Variants in RPA1 observed in about 807,000 individuals in gnomAD.
RPA1 encodes the protein replication protein A 70 kDa DNA-binding subunit.
A neutral mutation model predicts 83.0 loss-of-function variants in RPA1; 49 were observed. The observed-to-expected ratio is 0.59, with a 90% CI of 0.47 to 0.75. The LOEUF (loss-of-function observed/expected upper bound fraction) is 0.75. RPA1 is among the 30% of genes least tolerant of loss of function. The pLI is 0.00. For missense variants in RPA1, 693 were observed against 776.1 expected (o/e 0.89, Z 1.27); for synonymous variants, 279 against 281.8 (o/e 0.99, Z 0.10).
chr17:1,893,815 G>T (rs1251058435), intron 15 of RPA1, among the ~76,000 whole-genome samples: 2 of 151,880 alleles, frequency 1.3e-5, no homozygotes, highest in Non-Finnish European at 2.9e-5. Flanking sequence ...TAAATACAGA[G>T]GCTGAAATCA....
At chr17:1,834,233 A>G (rs977425348) in intron 1 of RPA1, among the ~76,000 whole-genome samples, 6 of 152,080 alleles carry the variant, frequency 3.9e-5, no homozygotes, top group African/African-American at 1.2e-4. Flanking sequence ...AAGTTTTTTT[A>G]TTTTTTAGAG....
chr17:1,881,012 T>G (rs1913774500), intron 12 of RPA1, among the ~76,000 whole-genome samples: 2 of 152,216 alleles, frequency 1.3e-5, no homozygotes, highest in Admixed American at 6.5e-5. Context: ...CTTTCCAGGG[T>G]TTAGGCTCTG....
chr17:1,859,778 G>A (rs1203421221), intron 5 of RPA1, among the ~76,000 whole-genome samples: 2 of 152,000 alleles, frequency 1.3e-5, no homozygotes, highest in African/African-American at 4.8e-5. Flanking sequence ...CTACAGGCAT[G>A]TGCCACCACG....
chr17:1,864,875 G>C (rs1913121462), intron 5 of RPA1, among the ~76,000 whole-genome samples: 1 of 152,230 alleles, frequency 6.6e-6, no homozygotes, highest in African/African-American at 2.4e-5. Context: ...ACTCCAGCCT[G>C]GGCGACAGAG....
At chr17:1,889,926 G>C (rs1047914002) in intron 14 of RPA1, among the ~76,000 whole-genome samples, 2 of 151,068 alleles carry the variant, frequency 1.3e-5, no homozygotes, top group African/African-American at 4.9e-5. Context: ...CTTGAACCCG[G>C]GAGGCAGAGG....
intron 1 of RPA1, among the ~76,000 whole-genome samples, chr17:1,831,046 A>G (rs1911548201): frequency 6.6e-6 from 1 of 152,022 alleles, no homozygotes; most frequent in Non-Finnish European, 1.5e-5. Flanking sequence ...AATTACAGGC[A>G]TGAACCACCG....
chr17:1,873,992 C>CAAAAAAAAAAAAAA (rs71150832), intron 6 of RPA1, among the ~76,000 whole-genome samples: 5 of 45,420 alleles, frequency 1.1e-4, no homozygotes, highest in African/African-American at 8.0e-4. Flanking sequence ...GACTCTGTCT[C>CAAAAAAAAAAAAAA]AAAAAAAAAA....
rs905509621 is a variant in RPA1, at chr17:1,897,967, T to G, written c.*792T>G. ...CTACCTGTACACATTCCTGCATTCA[T>G]GTATTTTGTTTTTTTTGACTAAAGC... is the stretch of plus-strand genomic sequence containing the variant. On this transcript the variant is annotated 3_prime_UTR_variant, in exon 17 of 17. Transcript: ENST00000254719. 1.3e-5 allele frequency: 2 copies of G among 152,424 alleles called. No individual in the cohort carries two copies. Among genetic ancestry groups the G allele is most frequent in the Admixed American group, 6.5e-5 (1 of 15,290 alleles). The allele number at this position is 152,424 out of a possible 1,614,324, so 9.4% of individuals were successfully genotyped here.
intron 1 of RPA1, among the ~76,000 whole-genome samples, chr17:1,834,559 A>G (rs1201571421): frequency 2.0e-5 from 3 of 152,138 alleles, no homozygotes; most frequent in East Asian, 3.8e-4. Context: ...TACCACACAC[A>G]TGTGAAGGCG....
intron 12 of RPA1, among the ~76,000 whole-genome samples, chr17:1,883,156 T>TA (rs1310825822): frequency 6.6e-6 from 1 of 152,052 alleles, no homozygotes; most frequent in Non-Finnish European, 1.5e-5. Flanking sequence ...CCCCATCTCT[T>TA]AAAAAAATTT....
At position 1,863,087 on chromosome 17, in the gene RPA1, A is replaced by C. The variant is rs1358555981; in HGVS notation, c.362-9347A>C. Among the ~76,000 whole-genome samples, 4 of 151,942 alleles carry C rather than the reference A, an allele frequency of 2.6e-5. No homozygotes were observed. In the East Asian group the frequency reaches 7.7e-4, roughly 29 times the overall value. On this transcript the variant is annotated intron_variant, in intron 5 of 16. Transcript: ENST00000254719. ...CATCCAGGCTGGAGTGCAGTGGCTCAAAAAGGGCTTACTGTAGCCTCAACC... is the reference window on the plus strand; with the variant it reads ...CATCCAGGCTGGAGTGCAGTGGCTCCAAAAGGGCTTACTGTAGCCTCAACC...
At chr17:1,862,096 G>A (rs1353320065) in intron 5 of RPA1, among the ~76,000 whole-genome samples, 2 of 150,902 alleles carry the variant, frequency 1.3e-5, no homozygotes, top group South Asian at 2.1e-4. Flanking sequence ...GTTTCACTGT[G>A]TTAGCCAGGA....
chr17:1,848,468 G>A (rs917108212), intron 4 of RPA1, among the ~76,000 whole-genome samples: 16 of 151,200 alleles, frequency 1.1e-4, no homozygotes, highest in African/African-American at 1.2e-4. Flanking sequence ...AAAATCAGCC[G>A]GGCATGGTGG....
In RPA1 at chr17:1,844,518, G is replaced by A. The variant is rs1242366313; in HGVS notation, c.164-60G>A. On this transcript the variant is annotated intron_variant, in intron 3 of 16. Transcript: ENST00000254719. ...TTCTTTGCTAGCACAGGTATGAGTAGCTCTCAGAGGCTTAAGACTGCAGGA... is the reference window on the plus strand; with the variant it reads ...TTCTTTGCTAGCACAGGTATGAGTAACTCTCAGAGGCTTAAGACTGCAGGA... 6 of 1,327,428 alleles carry A rather than the reference G, an allele frequency of 4.5e-6. No homozygotes were observed. In the South Asian group the frequency reaches 4.9e-5, roughly 11 times the overall value. 82.2% of individuals were successfully genotyped at this position (1,327,428 alleles called of 1,614,324 possible).
intron 5 of RPA1, among the ~76,000 whole-genome samples, chr17:1,857,003 A>G (rs952937553): frequency 3.3e-5 from 5 of 151,942 alleles, no homozygotes; most frequent in Admixed American, 6.6e-5. Flanking sequence ...CGGGTTTTGT[A>G]TATTTTTTTC....
At chr17:1,830,443 C>T (rs562748431) in intron 1 of RPA1, 2 of 304,940 alleles carry the variant, frequency 6.6e-6, no homozygotes, top group African/African-American at 4.3e-5. Context: ...AGCCAAACTT[C>T]TTGTCTGGTT....
At position 1,875,662 on chromosome 17, in the gene RPA1, T is replaced by A; in HGVS notation, c.456T>A (p.Gly152=). ...PQPQNGSSGM[G]STVSKAYGAS... ...TTTCGTTTGCGTTTGTTTTTAAAGG[T>A]TCTACTGTTTCTAAGGCTTATGGTG... Residue 152 remains glycine, a splice_region_variant and synonymous_variant, in exon 7 of 17, where the codon GGT becomes GGA. Transcript: ENST00000254719. 6.2e-7 allele frequency: 1 copy of A among 1,611,498 alleles called. No individual in the cohort carries two copies. The highest frequency in any genetic ancestry group is 8.5e-7 in the Non-Finnish European group (1 of 1,179,196).
intron 6 of RPA1, among the ~76,000 whole-genome samples, chr17:1,872,932 T>C (rs1913433477): frequency 6.6e-6 from 1 of 152,138 alleles, no homozygotes; most frequent in African/African-American, 2.4e-5. Flanking sequence ...GTCCTTGGCC[T>C]CCCAAAGTGC....
chr17:1,849,235 G>C (rs979561459), intron 4 of RPA1, among the ~76,000 whole-genome samples: 1 of 148,112 alleles, frequency 6.8e-6, no homozygotes, highest in Non-Finnish European at 1.5e-5. Flanking sequence ...CTATTTAGTA[G>C]TTTATAGACA....
Sources: allele counts gnomAD v4.1 joint callset (sites outside exome capture counted in the v4.1 genomes callset), GRCh38; gene constraint gnomAD v4.1.1; transcripts MANE v1.5; gene names NCBI Gene and HGNC (gene_info 2026-07-23, HGNC 2026-07-21).